Variants in ATRNL1 observed in about 807,000 individuals in gnomAD.
ATRNL1 encodes the protein attractin-like protein 1.
ATRNL1 carries 95 observed loss-of-function variants against 182.7 expected under a neutral mutation model. The observed-to-expected ratio is 0.52, with a 90% CI of 0.44 to 0.62. ATRNL1 has a LOEUF of 0.62. Ranked by LOEUF, ATRNL1 falls within the 20% of genes least tolerant of loss-of-function variation. The pLI, the probability that ATRNL1 is intolerant of heterozygous loss-of-function variation, is 0.00. For synonymous variants in ATRNL1, 576 were observed against 568.3 expected, an observed-to-expected ratio of 1.01 and a Z score of -0.19; for missense variants, 1,471 against 1,679.5, an observed-to-expected ratio of 0.88 and a Z score of 2.17.
intron 17 of ATRNL1, among the ~76,000 whole-genome samples, chr10:115,309,915 A>G (rs1853930878): frequency 6.6e-6 from 1 of 152,018 alleles, no homozygotes; most frequent in African/African-American, 2.4e-5. Context: ...AAGTGGGCCT[A>G]CCTGTCTTCT....
At chr10:115,527,122 T>C (rs1297679679) in intron 25 of ATRNL1, among the ~76,000 whole-genome samples, 3 of 119,972 alleles carry the variant, frequency 2.5e-5, no homozygotes, top group East Asian at 4.1e-4. Flanking sequence ...GGCACTTTTT[T>C]TTTTTTTTCC....
At chr10:115,250,323 T>C (rs1322768712) in intron 10 of ATRNL1, among the ~76,000 whole-genome samples, 2 of 152,242 alleles carry the variant, frequency 1.3e-5, no homozygotes, top group East Asian at 3.8e-4. Context: ...TAGAGGTATA[T>C]AACTTTCCAC....
At chr10:115,864,247 A>G (rs1951381534) in intron 28 of ATRNL1, among the ~76,000 whole-genome samples, 1 of 151,652 alleles carries the variant, frequency 6.6e-6, no homozygotes, top group Admixed American at 6.6e-5. Flanking sequence ...AGCCTGGGTA[A>G]CAGAGTGAGA....
At chr10:115,199,029 T>G (rs1763400566) in intron 8 of ATRNL1, among the ~76,000 whole-genome samples, 1 of 152,174 alleles carries the variant, frequency 6.6e-6, no homozygotes, top group South Asian at 2.1e-4. Context: ...TTTAAAAAAT[T>G]TTTTGTGAAA....
chr10:115,199,749 C>T (rs1291184072), intron 8 of ATRNL1, among the ~76,000 whole-genome samples: 1 of 152,140 alleles, frequency 6.6e-6, no homozygotes, highest in East Asian at 1.9e-4. Flanking sequence ...TTTAGCTACA[C>T]TGGCATTAGT....
chr10:115,588,928 G>A (rs2769415), intron 26 of ATRNL1, among the ~76,000 whole-genome samples: 72,023 of 151,620 alleles, frequency 0.48, 18,516 homozygotes, highest in East Asian at 0.84. Context: ...TTTCCTTGCA[G>A]TTTTTGCATT....
chr10:115,257,882 G>T (rs1420414934), intron 10 of ATRNL1, among the ~76,000 whole-genome samples: 11 of 152,190 alleles, frequency 7.2e-5, no homozygotes, highest in African/African-American at 1.9e-4. Context: ...AGTTTGGCTG[G>T]ATATGAAATT....
intron 24 of ATRNL1, among the ~76,000 whole-genome samples, chr10:115,489,110 C>T (rs546188992): frequency 3.9e-5 from 6 of 152,226 alleles, no homozygotes; most frequent in African/African-American, 1.4e-4. Flanking sequence ...GATTTCCGTT[C>T]TTTTGCATTT....
intron 19 of ATRNL1, among the ~76,000 whole-genome samples, chr10:115,360,066 T>C (rs1443640832): frequency 1.3e-5 from 2 of 151,698 alleles, no homozygotes; most frequent in African/African-American, 4.8e-5. Context: ...TTTTATATAT[T>C]TTAAAAATTA....
chr10:115,323,431 TCCC>T (rs1854694997), intron 18 of ATRNL1, among the ~76,000 whole-genome samples: 2 of 19,748 alleles, frequency 1.0e-4, no homozygotes, highest in African/African-American at 3.0e-4. Flanking sequence ...TCCCCTCCCC[TCCC>T]CTCCCCTTCC....
intron 26 of ATRNL1, among the ~76,000 whole-genome samples, chr10:115,663,240 T>C (rs557253046): frequency 9.2e-5 from 14 of 152,222 alleles, no homozygotes; most frequent in African/African-American, 3.4e-4. Context: ...CTTGATATGC[T>C]CACAGGCTAG....
At chr10:115,887,339 A>G (rs570954829) in intron 28 of ATRNL1, among the ~76,000 whole-genome samples, 14 of 152,226 alleles carry the variant, frequency 9.2e-5, no homozygotes, top group Admixed American at 3.9e-4. Flanking sequence ...TAAGCAACAA[A>G]CATTTATTAC....
intron 25 of ATRNL1, among the ~76,000 whole-genome samples, chr10:115,537,205 T>G (rs1852083430): frequency 6.6e-6 from 1 of 152,230 alleles, no homozygotes; most frequent in African/African-American, 2.4e-5. Flanking sequence ...TCTTGCAACT[T>G]AGTTAAACCA....
chr10:115,694,176 A>G (rs981550293), intron 26 of ATRNL1, among the ~76,000 whole-genome samples: 59 of 139,992 alleles, frequency 4.2e-4, no homozygotes, highest in East Asian at 1.7e-3. Context: ...ACAGACGCAC[A>G]CACACACACA....
intron 26 of ATRNL1, among the ~76,000 whole-genome samples, chr10:115,641,676 G>A (rs1025127302): frequency 3.9e-5 from 6 of 151,936 alleles, no homozygotes; most frequent in South Asian, 2.1e-4. Context: ...ACATTAGCTA[G>A]CAACATGCTT....
intron 27 of ATRNL1, among the ~76,000 whole-genome samples, chr10:115,788,941 C>G (rs1189993612): frequency 1.3e-5 from 2 of 152,144 alleles, no homozygotes; most frequent in Non-Finnish European, 2.9e-5. Context: ...TCTTTCATTC[C>G]TAGAAATAAC....
chr10:115,802,088 C>CCA (rs370183333), intron 27 of ATRNL1, among the ~76,000 whole-genome samples: 2 of 129,798 alleles, frequency 1.5e-5, no homozygotes, highest in South Asian at 2.5e-4. Context: ...CCCCCCACCA[C>CCA]CACACACACA....
At chr10:115,882,535 T>C (rs1264212703) in intron 28 of ATRNL1, among the ~76,000 whole-genome samples, 5 of 152,204 alleles carry the variant, frequency 3.3e-5, no homozygotes, top group Non-Finnish European at 7.3e-5. Context: ...CTGTAAGACT[T>C]GCTGTCATCT....
At chr10:115,717,303 T>C (rs569145982) in intron 26 of ATRNL1, among the ~76,000 whole-genome samples, 1 of 152,246 alleles carries the variant, frequency 6.6e-6, no homozygotes, top group East Asian at 1.9e-4. Flanking sequence ...GTCTGAGATA[T>C]ACAAAGAAAA....
Sources: allele counts gnomAD v4.1 joint callset (sites outside exome capture counted in the v4.1 genomes callset), GRCh38; gene constraint gnomAD v4.1.1; transcripts MANE v1.5; gene names NCBI Gene and HGNC (gene_info 2026-07-23, HGNC 2026-07-21).